The following PRDM16 variants were observed in gnomAD, a reference collection of about 807,000 sequenced individuals.
PRDM16 encodes PR/SET domain 16, also known as histone-lysine N-methyltransferase PRDM16.
Under a neutral mutation model 110.6 loss-of-function variants are expected in PRDM16, and 23 were observed. The observed-to-expected ratio is 0.21, with a 90% confidence interval of 0.15 to 0.29. The LOEUF is 0.29. PRDM16 is among the 10% of genes least tolerant of loss of function. The pLI is 1.00. For synonymous variants in PRDM16, 799 were observed against 781.8 expected (o/e 1.02, Z -0.37); for missense variants, 1,615 against 1,794.3 (o/e 0.90, Z 1.81).
At chr1:3,394,150 C>G (rs906841609) in intron 4 of PRDM16, among the ~76,000 whole-genome samples, 11 of 151,824 alleles carry the variant, frequency 7.2e-5, no homozygotes, top group African/African-American at 2.7e-4. Context: ...CCTTCCGCAG[C>G]GCCGCGGATC....
At chr1:3,289,369 C>T (rs575747687) in intron 3 of PRDM16, among the ~76,000 whole-genome samples, 3 of 152,338 alleles carry the variant, frequency 2.0e-5, no homozygotes, top group Admixed American at 6.5e-5. Context: ...GGAGTCTGAA[C>T]GCAGCCCCTG....
chr1:3,408,001 C>T (rs1643591007), intron 8 of PRDM16, among the ~76,000 whole-genome samples: 1 of 152,230 alleles, frequency 6.6e-6, no homozygotes, highest in Admixed American at 6.5e-5. Context: ...GCAACGCAGC[C>T]CTGGTATCCC....
At position 3,255,881 on chromosome 1, in the gene PRDM16, CTGA is replaced by C. The variant is rs1640033562; in HGVS notation, c.438+11745_438+11747del. Among the ~76,000 whole-genome samples, 2 of 147,882 alleles carry C rather than the reference CTGA, an allele frequency of 1.4e-5. No homozygotes were observed. The highest frequency in any genetic ancestry group is 4.2e-4 in the South Asian group (2 of 4,770). ...ACCCGAAGCCAACCCCGTGGCCGCA[CTGA>C]CACCCGAAGCCAACCCCGTGGCCGC... is the stretch of plus-strand genomic sequence containing the variant. On this transcript the variant is annotated intron_variant, in intron 3 of 16. Coordinates refer to ENST00000270722, the MANE Select transcript of PRDM16 (RefSeq NM_022114.4). This position sits in a 1 kb window ranked among gnomAD's most constrained non-coding sequence, Gnocchi z 4.7.
At chr1:3,285,206 A>G (rs1640817604) in intron 3 of PRDM16, among the ~76,000 whole-genome samples, 1 of 152,112 alleles carries the variant, frequency 6.6e-6, no homozygotes, top group African/African-American at 2.4e-5. Context: ...GACTGCAGCC[A>G]GGAGCAAAGT....
Position 3,417,857 on chromosome 1 carries a change from G to A in PRDM16, c.2721G>A (p.Lys907=), listed in dbSNP as rs753159703. The A allele has an allele frequency of 1.2e-6, 2 of 1,613,864 alleles. No homozygotes were observed. Among genetic ancestry groups the A allele is most frequent in the South Asian group, 2.2e-5 (2 of 91,084 alleles). ...CAGCCATAGAGACCATGACAGAGAA[G>A]CTGGAGAGCTTTGCAGCCATGAAGG... ...QMSAIETMTE[K]LESFAAMKAD... Residue 907 remains lysine, a synonymous_variant, in exon 11 of 17, where the codon AAG becomes AAA. Transcript: ENST00000270722.
chr1:3,325,867 A>C (rs561345014), intron 3 of PRDM16, among the ~76,000 whole-genome samples: 20 of 147,212 alleles, frequency 1.4e-4, no homozygotes, highest in Non-Finnish European at 2.8e-4. Context: ...AGCGGTTCTC[A>C]GTGAGCCATG....
intron 4 of PRDM16, among the ~76,000 whole-genome samples, chr1:3,389,717 C>T (rs561418825): frequency 1.3e-5 from 2 of 152,356 alleles, no homozygotes; most frequent in Non-Finnish European, 2.9e-5. Context: ...TCCCGCTGCT[C>T]CTGAAGCGGC....
chr1:3,285,188 G>A (rs1640817344), intron 3 of PRDM16, among the ~76,000 whole-genome samples: 1 of 152,154 alleles, frequency 6.6e-6, no homozygotes, highest in Non-Finnish European at 1.5e-5. Flanking sequence ...GGTGAGGTGG[G>A]CTGTGTGGAC....
At chr1:3,417,676 C>T (rs1163348908) in intron 10 of PRDM16, 152 bp from the exon 11 acceptor site, 1 of 719,446 alleles carries the variant, frequency 1.4e-6, no homozygotes, top group African/African-American at 1.8e-5. Flanking sequence ...AAAATCCAAC[C>T]CAGGGTCCAA....
At chr1:3,352,986 G>A (rs1469520050) in intron 3 of PRDM16, among the ~76,000 whole-genome samples, 2 of 152,240 alleles carry the variant, frequency 1.3e-5, no homozygotes, top group Non-Finnish European at 1.5e-5. Context: ...TGCGTGGCCG[G>A]AGGCAGAGGG....
At chr1:3,416,697 A>C (rs1638274246) in intron 10 of PRDM16, among the ~76,000 whole-genome samples, 1 of 152,110 alleles carries the variant, frequency 6.6e-6, no homozygotes, top group South Asian at 2.1e-4. Context: ...GGCTATGAAA[A>C]TACCTGTTTA....
intron 12 of PRDM16, among the ~76,000 whole-genome samples, chr1:3,422,347 ACAGACTGGCAAGCAGG>A (rs1164467823): frequency 3.3e-5 from 5 of 150,462 alleles, no homozygotes; most frequent in African/African-American, 1.2e-4. Context: ...AGGCAGATAG[ACAGACTGGCAAGCAGG>A]CAGACTGGCA....
chr1:3,402,269 C>T (rs1056212292), intron 5 of PRDM16, among the ~76,000 whole-genome samples: 19 of 29,566 alleles, frequency 6.4e-4, no homozygotes, highest in Non-Finnish European at 1.8e-3. Context: ...GGGCCCAGAG[C>T]CCCCCACCGG....
intron 1 of PRDM16, among the ~76,000 whole-genome samples, chr1:3,139,120 G>A (rs1429719907): frequency 2.6e-5 from 4 of 152,104 alleles, no homozygotes; most frequent in Admixed American, 6.5e-5. Context: ...CAATCTAAAC[G>A]CAGACACACG....
At chr1:3,424,187 C>A (rs1274238316) in intron 12 of PRDM16, among the ~76,000 whole-genome samples, 1 of 152,220 alleles carries the variant, frequency 6.6e-6, no homozygotes, top group Non-Finnish European at 1.5e-5. Flanking sequence ...GGGGTTCCTC[C>A]TTAGCTCATC....
At chr1:3,097,904 A>C (rs1296247830) in intron 1 of PRDM16, among the ~76,000 whole-genome samples, 1 of 152,096 alleles carries the variant, frequency 6.6e-6, no homozygotes, top group Admixed American at 6.5e-5. Flanking sequence ...AAGACCCAGG[A>C]GGCAGAATTC....
Position 3,325,902 on chromosome 1 carries a change from TCTTGGCCCTC to T in PRDM16, c.439-59237_439-59228del, listed in dbSNP as rs761059126. ...GACCATTCTTGGCCATCCTTGGCCC[TCTTGGCCCTC>T]CTTGGCCCTCCTCGGCCCTCTTGGC... On this transcript the variant is annotated intron_variant, in intron 3 of 16. Coordinates refer to ENST00000270722, the MANE Select transcript of PRDM16 (RefSeq NM_022114.4). Among the ~76,000 whole-genome samples, 658 of 145,198 alleles carry T rather than the reference TCTTGGCCCTC, an allele frequency of 4.5e-3. 8 individuals carry two copies. The highest frequency in any genetic ancestry group is 6.9e-3 in the Non-Finnish European group (457 of 66,158).
intron 3 of PRDM16, among the ~76,000 whole-genome samples, chr1:3,297,340 A>G (rs1304540687): frequency 1.4e-5 from 2 of 146,866 alleles, no homozygotes; most frequent in African/African-American, 5.0e-5. Context: ...CTGGAGTGCA[A>G]TGGCGCGATC....
chr1:3,181,205 CG>C (rs1330022724), intron 1 of PRDM16, among the ~76,000 whole-genome samples: 2 of 134,090 alleles, frequency 1.5e-5, no homozygotes, highest in East Asian at 2.4e-4. Context: ...GTCTTACACA[CG>C]GTCTTACACA....
Sources: gnomAD v4.1 joint callset for allele counts (sites outside exome capture counted in the v4.1 genomes callset) on GRCh38, gnomAD v4.1.1 for gene constraint, Gnocchi (gnomAD v3.1) non-coding constraint, MANE v1.5 for transcripts, NCBI Gene and HGNC (gene_info 2026-07-23, HGNC 2026-07-21) for gene names.